Variants in LINGO2 observed in about 807,000 individuals in gnomAD.
The protein encoded by LINGO2 is leucine-rich repeat and immunoglobulin-like domain-containing nogo receptor-interacting protein 2.
Under a neutral mutation model 30.6 loss-of-function variants are expected in LINGO2, and 14 were observed. That is an observed-to-expected ratio of 0.46 (90% CI 0.30 to 0.72). LINGO2 has a LOEUF of 0.72. LINGO2 is among the 30% of genes least tolerant of loss of function. The pLI is 0.07. For synonymous variants in LINGO2, 317 were observed against 288.5 expected (o/e 1.10, Z -1.00); for missense variants, 729 against 751.7 (o/e 0.97, Z 0.35).
Position 28,110,283 on chromosome 9 carries a change from A to AT in LINGO2, c.-86-97879dup, listed in dbSNP as rs1269035494. On this transcript the variant is annotated intron_variant, in intron 4 of 5. Transcript: ENST00000379992. ...AGACTTCAATGTAAAACTCCAAACC[A>AT]TAAAAACCCTAGAAGAAAACTTAGC... is the stretch of plus-strand genomic sequence containing the variant. 1.3e-5 allele frequency among the ~76,000 whole-genome samples: 2 copies of AT among 152,240 alleles called. 1 individual carries two copies. The highest frequency in any genetic ancestry group is 2.9e-5 in the Non-Finnish European group (2 of 68,048).
chr9:27,984,361 G>C (rs753798306), intron 5 of LINGO2, among the ~76,000 whole-genome samples: 22 of 151,858 alleles, frequency 1.4e-4, no homozygotes, highest in Non-Finnish European at 3.2e-4. Flanking sequence ...TAATAGGTGA[G>C]CAGTGAGCTG....
chr9:28,981,578 G>A, the LINGO2 span, among the ~76,000 whole-genome samples: 4 of 152,012 alleles, frequency 2.6e-5, no homozygotes, highest in African/African-American at 7.2e-5. Context: ...AACTTATCCC[G>A]ATACCACTGA....
At chr9:28,866,172 T>C in the LINGO2 span, among the ~76,000 whole-genome samples, 1 of 152,174 alleles carries the variant, frequency 6.6e-6, no homozygotes, top group Non-Finnish European at 1.5e-5. Context: ...GAGAATGAAA[T>C]GTTCTGGTTG....
chr9:28,783,505 C>T, the LINGO2 span, among the ~76,000 whole-genome samples: 2 of 152,062 alleles, frequency 1.3e-5, no homozygotes, highest in Admixed American at 6.5e-5. Flanking sequence ...ATGGAATCCA[C>T]GGATATGGAG....
chr9:29,112,992 T>C, the LINGO2 span, among the ~76,000 whole-genome samples: 2 of 152,130 alleles, frequency 1.3e-5, no homozygotes, highest in African/African-American at 4.8e-5. Context: ...AAGTAAAGGA[T>C]TAGAATTTGA....
chr9:28,665,221 T>A (rs1303319223), intron 1 of LINGO2, among the ~76,000 whole-genome samples: 1 of 151,520 alleles, frequency 6.6e-6, no homozygotes, highest in Non-Finnish European at 1.5e-5. Flanking sequence ...AAATAAACAC[T>A]GAAGAGAAAA....
chr9:27,989,967 G>A (rs966111943), intron 5 of LINGO2, among the ~76,000 whole-genome samples: 10 of 152,058 alleles, frequency 6.6e-5, no homozygotes, highest in African/African-American at 2.2e-4. Context: ...GAGGAGGAAT[G>A]AGAAGTGGTT....
At chr9:28,240,827 A>C (rs1161217844) in intron 4 of LINGO2, among the ~76,000 whole-genome samples, 2 of 152,204 alleles carry the variant, frequency 1.3e-5, no homozygotes, top group East Asian at 3.9e-4. Context: ...GAAGTTTATA[A>C]AAACTTAAGT....
chr9:28,940,462 C>T, the LINGO2 span, among the ~76,000 whole-genome samples: 1 of 34,440 alleles, frequency 2.9e-5, no homozygotes, highest in Non-Finnish European at 7.7e-5. Flanking sequence ...TCCATGCACC[C>T]CATATGTTTT....
rs557119170 is a variant in LINGO2, at chr9:28,348,207, G to A, written c.-246+24629C>T. Among the ~76,000 whole-genome samples the A allele has an allele frequency of 1.7e-4, 26 of 152,222 alleles. No homozygotes were observed. The South Asian group carries it at 3.7e-3, about 22-fold the overall frequency. The stretch of plus-strand genomic sequence containing the variant: ...TCCCAGCGTGAGCGACGCAGAAGAC[G>A]GGTGATTTCTGCATTTCCATCTGAG... On this transcript the variant is annotated intron_variant, in intron 3 of 5. Transcript: ENST00000379992.
chr9:29,070,323 G>A, the LINGO2 span, among the ~76,000 whole-genome samples: 10 of 152,032 alleles, frequency 6.6e-5, no homozygotes, highest in South Asian at 2.1e-4. Flanking sequence ...ATATCATGAC[G>A]GAATTGGGTG....
chr9:29,160,374 A>C, the LINGO2 span, among the ~76,000 whole-genome samples: 1 of 152,222 alleles, frequency 6.6e-6, no homozygotes, highest in Admixed American at 6.5e-5. Flanking sequence ...AAGTTATTTA[A>C]CACTTCTTTT....
intron 4 of LINGO2, among the ~76,000 whole-genome samples, chr9:28,134,476 T>G (rs1167815348): frequency 6.6e-6 from 1 of 152,166 alleles, no homozygotes; most frequent in African/African-American, 2.4e-5. Flanking sequence ...ACTCCAATGA[T>G]AAGTTAGTGC....
At chr9:28,549,348 C>G (rs1451114368) in intron 1 of LINGO2, among the ~76,000 whole-genome samples, 2 of 152,080 alleles carry the variant, frequency 1.3e-5, no homozygotes, top group East Asian at 3.9e-4. Context: ...GAATTTCATT[C>G]ATCTATATTG....
chr9:28,142,120 C>T (rs1827688335), intron 4 of LINGO2, among the ~76,000 whole-genome samples: 1 of 148,610 alleles, frequency 6.7e-6, no homozygotes, highest in Admixed American at 6.7e-5. Context: ...TGAAAACCAG[C>T]TGTTTTCTTT....
intron 4 of LINGO2, among the ~76,000 whole-genome samples, chr9:28,045,937 GTT>G (rs1343215028): frequency 1.3e-5 from 2 of 152,154 alleles, no homozygotes; most frequent in African/African-American, 4.8e-5. Context: ...AAAGCAAAGA[GTT>G]AAACTATGAT....
intron 5 of LINGO2, among the ~76,000 whole-genome samples, chr9:27,960,261 G>C (rs1483563433): frequency 6.6e-6 from 1 of 152,064 alleles, no homozygotes; most frequent in Non-Finnish European, 1.5e-5. Context: ...TAGAGTCCTG[G>C]TTAATCAATC....
the LINGO2 span, among the ~76,000 whole-genome samples, chr9:29,113,052 G>A: frequency 9.9e-5 from 15 of 152,168 alleles, no homozygotes; most frequent in Admixed American, 2.0e-4. Flanking sequence ...GCAAAGTATC[G>A]TAATTGTCAA....
At chr9:28,703,281 G>C in the LINGO2 span, among the ~76,000 whole-genome samples, 3 of 151,274 alleles carry the variant, frequency 2.0e-5, no homozygotes, top group African/African-American at 7.3e-5. Context: ...TGTAATCATT[G>C]TTTTCACTCT....
Sources: gnomAD v4.1 joint callset for allele counts (sites outside exome capture counted in the v4.1 genomes callset) on GRCh38, gnomAD v4.1.1 for gene constraint, MANE v1.5 for transcripts, NCBI Gene and HGNC (gene_info 2026-07-23, HGNC 2026-07-21) for gene names.